Variants in SARDH observed in about 807,000 individuals in gnomAD.
SARDH encodes sarcosine dehydrogenase, mitochondrial.
SARDH carries 95 observed loss-of-function variants against 109.1 expected under a neutral mutation model. That is an observed-to-expected ratio of 0.87 (90% CI 0.74 to 1.03). The LOEUF is 1.03. Among genes scored for constraint, SARDH ranks in the 50% least tolerant of loss-of-function variants. The probability of loss-of-function intolerance (pLI) is 0.00; values close to 1 mark genes in which losing one functional copy is unlikely to be tolerated. For missense variants in SARDH, 1,267 were observed against 1,287.8 expected (o/e 0.98, Z 0.25); for synonymous variants, 572 against 534.8 (o/e 1.07, Z -0.96).
intron 16 of SARDH, among the ~76,000 whole-genome samples, chr9:133,689,763 C>G (rs1192607238): frequency 6.6e-6 from 1 of 152,144 alleles, no homozygotes; most frequent in African/African-American, 2.4e-5. Flanking sequence ...TCCCAGCCTC[C>G]GAAGCACAGT....
chr9:133,676,960 G>A lies in SARDH; in HGVS notation c.2164-5263C>T, dbSNP rs149671912. Among the ~76,000 whole-genome samples the A allele has an allele frequency of 6.5e-3, 989 of 152,286 alleles. 13 individuals are homozygous for A. The highest frequency in any genetic ancestry group is 0.021 in the African/African-American group (893 of 41,550). ...TTGAGACCAGCCTGGCCAACACAGC[G>A]AAACCCCATCTCTACTAAAAATACA... On this transcript the variant is annotated intron_variant, in intron 17 of 20. Transcript: ENST00000439388.
intron 6 of SARDH, among the ~76,000 whole-genome samples, chr9:133,721,188 A>C (rs1832313678): frequency 2.0e-5 from 3 of 152,216 alleles, no homozygotes; most frequent in Admixed American, 6.5e-5. Flanking sequence ...GTGCCCACCA[A>C]GCCCTGAGTC....
At chr9:133,720,898 T>C (rs1197105791) in intron 6 of SARDH, among the ~76,000 whole-genome samples, 1 of 151,986 alleles carries the variant, frequency 6.6e-6, no homozygotes, top group East Asian at 1.9e-4. Context: ...GGTCTTTAAA[T>C]GAGATATGAT....
intron 17 of SARDH, among the ~76,000 whole-genome samples, chr9:133,679,167 C>T (rs927650871): frequency 6.6e-6 from 1 of 152,244 alleles, no homozygotes; most frequent in Non-Finnish European, 1.5e-5. Flanking sequence ...ACAGGGAACA[C>T]GGTGCCCCAG....
At chr9:133,736,939 C>T (rs550413282) in intron 1 of SARDH, among the ~76,000 whole-genome samples, 3 of 152,220 alleles carry the variant, frequency 2.0e-5, no homozygotes, top group Non-Finnish European at 4.4e-5. Context: ...TAGCTATGCA[C>T]GTTCGTTCAC....
chr9:133,670,956 C>T (rs998520352), intron 18 of SARDH, among the ~76,000 whole-genome samples: 6 of 152,174 alleles, frequency 3.9e-5, no homozygotes, highest in African/African-American at 1.4e-4. Context: ...GACTGCCCAT[C>T]AGCACTGCAG....
chr9:133,697,202 A>G (rs1171005660), intron 13 of SARDH, among the ~76,000 whole-genome samples: 1 of 152,200 alleles, frequency 6.6e-6, no homozygotes, highest in Non-Finnish European at 1.5e-5. Flanking sequence ...GAAATGGACA[A>G]ATTCCTAGAA....
intron 6 of SARDH, among the ~76,000 whole-genome samples, chr9:133,721,313 C>T (rs1832318913): frequency 1.3e-5 from 2 of 152,208 alleles, no homozygotes; most frequent in Admixed American, 1.3e-4. Context: ...GGAGCAAACT[C>T]TTCAAACGTC....
Position 133,692,020 on chromosome 9 carries a change from G to A in SARDH, c.1922-1493C>T, listed in dbSNP as rs549019283. Among the ~76,000 whole-genome samples, 112 of 152,296 alleles carry A rather than the reference G, an allele frequency of 7.4e-4. No individual in the cohort carries two copies. The highest frequency in any genetic ancestry group is 2.4e-3 in the African/African-American group (101 of 41,556). ...GTGCACCACTGGGAGATGGCTCAGC[G>A]TTGAAAGCACTTTCCTGACAGCTTC... On this transcript the variant is annotated intron_variant, in intron 15 of 20. Transcript: ENST00000439388. The surrounding 1 kb of genome is among the most constrained non-coding windows in gnomAD (Gnocchi z 5.0).
rs923366403 is a variant in SARDH at position 133,693,202 on chromosome 9, C to T, written c.1921+1056G>A. Among the ~76,000 whole-genome samples, 10 of 152,186 alleles carry T rather than the reference C, an allele frequency of 6.6e-5. No individual in the cohort carries two copies. The highest frequency in any genetic ancestry group is 2.2e-4 in the African/African-American group (9 of 41,450). On this transcript the variant is annotated intron_variant, in intron 15 of 20. Transcript: ENST00000439388. The surrounding 1 kb of genome is among the most constrained non-coding windows in gnomAD (Gnocchi z 5.6). ...ACAAACTCCACATGGGCCAGAACCT[C>T]CTGTGTTTGGCTCACTGTTGGGTCC...
intron 11 of SARDH, among the ~76,000 whole-genome samples, chr9:133,708,026 G>C (rs1831761303): frequency 6.6e-6 from 1 of 152,258 alleles, no homozygotes; most frequent in Middle Eastern, 3.4e-3. Flanking sequence ...GCGGTTCCTG[G>C]GTGTGCGTTC....
In SARDH at chr9:133,708,196, G is replaced by A. The variant is rs1831769671; in HGVS notation, c.1470+91C>T. On this transcript the variant is annotated intron_variant, in intron 11 of 20. Transcript: ENST00000439388. ...TTGTCACCGCACCTGACCTGCGGTT[G>A]GGGTACACCTTGCATTTCTGTCACT... The A allele has an allele frequency of 1.0e-5, 15 of 1,447,486 alleles. No homozygotes were observed. The Admixed American group carries it at 1.1e-4, about 11-fold the overall frequency. The allele number at this position is 1,447,486 out of a possible 1,614,324, so 89.7% of individuals were successfully genotyped here.
Position 133,702,930 on chromosome 9 carries a change from G to A in SARDH, c.1654C>T (p.Pro552Ser), listed in dbSNP as rs753857443. 21 of 1,612,236 alleles carry A rather than the reference G, an allele frequency of 1.3e-5. No individual in the cohort carries two copies. The highest frequency in any genetic ancestry group is 1.8e-5 in the Non-Finnish European group (21 of 1,179,922). Residue 552 changes from proline (P) to serine (S), a missense_variant, in exon 13 of 21, where the codon CCC becomes TCC. Pro to Ser is a moderately conservative substitution (Grantham distance 74). Transcript: ENST00000439388. ...CAGCTACGCACCGTGTCGTGGTGGG[G>A]CGGGAAGGCGAAGGTGTACTCGTCT... Reference protein sequence around the residue: ...LADEYTFAFPPHHDTIKKECL... With the variant: ...LADEYTFAFPSHHDTIKKECL...
chr9:133,674,471 G>A (rs1168322505), intron 17 of SARDH, among the ~76,000 whole-genome samples: 1 of 152,186 alleles, frequency 6.6e-6, no homozygotes, highest in East Asian at 1.9e-4. Context: ...CAGCAGGAAG[G>A]GTCTTATGTC....
At chr9:133,669,329 C>T (rs1486679637) in intron 19 of SARDH, among the ~76,000 whole-genome samples, 1 of 92,014 alleles carries the variant, frequency 1.1e-5, no homozygotes, top group Non-Finnish European at 2.2e-5. Context: ...CCCTCCCTCT[C>T]CCTCGTCCTC....
chr9:133,668,019 C>T (rs1830134748), intron 19 of SARDH, among the ~76,000 whole-genome samples: 1 of 152,038 alleles, frequency 6.6e-6, no homozygotes, highest in Non-Finnish European at 1.5e-5. Flanking sequence ...AACCCCTGAG[C>T]AGAGCGCACT....
intron 8 of SARDH, among the ~76,000 whole-genome samples, chr9:133,714,021 G>A (rs1832030204): frequency 6.6e-6 from 1 of 152,206 alleles, no homozygotes; most frequent in Non-Finnish European, 1.5e-5. Flanking sequence ...GATGAACTGA[G>A]GGCCACGCGT....
At position 133,666,901 on chromosome 9, in the gene SARDH, C is replaced by T; in HGVS notation, c.2496-31G>A. 1.2e-6 allele frequency: 2 copies of T among 1,610,990 alleles called. No individual in the cohort carries two copies. Among genetic ancestry groups the T allele is most frequent in the Non-Finnish European group, 1.7e-6 (2 of 1,179,122 alleles). ...AGAAGCAGTAGAGAAAGCTGGGGCC[C>T]CAGAAACCGCAGGGTGGGGACGCGT... On this transcript the variant is annotated intron_variant, in intron 19 of 20. Transcript: ENST00000439388. This position sits in a 1 kb window ranked among gnomAD's most constrained non-coding sequence, Gnocchi z 5.2.
In SARDH at chr9:133,708,386, T is replaced by G; in HGVS notation, c.1371A>C (p.Arg457=). ...HSLTDHPRWI[R]ERSHESYAKN... ...TGGCGTAGGACTCATGGCTTCGCTC[T>G]CGGATCCAGCGGGGGTGGTCCGTGA... Residue 457 remains arginine, a synonymous_variant, in exon 11 of 21, where the codon CGA becomes CGC. Transcript: ENST00000439388. 2.5e-6 allele frequency: 4 copies of G among 1,612,812 alleles called. No homozygotes were observed. The highest frequency in any genetic ancestry group is 3.4e-6 in the Non-Finnish European group (4 of 1,179,634).
Sources: gnomAD v4.1 joint callset for allele counts (sites outside exome capture counted in the v4.1 genomes callset) on GRCh38, gnomAD v4.1.1 for gene constraint, Gnocchi (gnomAD v3.1) non-coding constraint, MANE v1.5 for transcripts, NCBI Gene and HGNC (gene_info 2026-07-23, HGNC 2026-07-21) for gene names.